Variants in TFCP2 observed in about 807,000 individuals in gnomAD.
The protein encoded by TFCP2 is alpha-globin transcription factor CP2.
TFCP2 carries 33 observed loss-of-function variants against 73.4 expected under a neutral mutation model. The observed-to-expected ratio is 0.45, with a 90% CI of 0.34 to 0.60. TFCP2 has a LOEUF of 0.60. Among genes scored for constraint, TFCP2 ranks in the 20% least tolerant of loss-of-function variants. The probability of loss-of-function intolerance (pLI) is 0.01; values close to 1 mark genes in which losing one functional copy is unlikely to be tolerated. For missense variants in TFCP2, 352 were observed against 604.0 expected (o/e 0.58, Z 4.37); for synonymous variants, 193 against 211.6 (o/e 0.91, Z 0.76).
intron 3 of TFCP2, among the ~76,000 whole-genome samples, chr12:51,117,419 G>T (rs1368857614): frequency 6.6e-6 from 1 of 152,104 alleles, no homozygotes; most frequent in Non-Finnish European, 1.5e-5. Context: ...ACTGAGCCAG[G>T]GGTGATTACC....
At chr12:51,141,977 G>A (rs1592823158) in intron 1 of TFCP2, among the ~76,000 whole-genome samples, 1 of 151,036 alleles carries the variant, frequency 6.6e-6, no homozygotes, top group East Asian at 1.9e-4. Context: ...GGCCGAGGCG[G>A]GTGGATCACG....
intron 4 of TFCP2, among the ~76,000 whole-genome samples, chr12:51,111,851 T>C (rs542650875): frequency 2.0e-4 from 29 of 142,262 alleles, no homozygotes; most frequent in African/African-American, 7.5e-4. Flanking sequence ...CAAGACTTCA[T>C]CTCAAAAAAA....
intron 11 of TFCP2, among the ~76,000 whole-genome samples, chr12:51,100,208 T>C (rs1380484547): frequency 6.6e-6 from 1 of 152,200 alleles, no homozygotes; most frequent in African/African-American, 2.4e-5. Context: ...ATAGTCAAAA[T>C]ATAAAAGCCA....
chr12:51,139,570 G>A (rs556762126), intron 1 of TFCP2, among the ~76,000 whole-genome samples: 1 of 152,018 alleles, frequency 6.6e-6, no homozygotes, highest in Admixed American at 6.6e-5. Flanking sequence ...TACAGACAGG[G>A]CCTCACTATG....
rs869123355 is a variant in TFCP2 at position 51,132,357 on chromosome 12, CTTTTTTTTTTTTT to C, written c.123-13598_123-13586del. On this transcript the variant is annotated intron_variant, in intron 1 of 14. Coordinates refer to ENST00000257915, the MANE Select transcript of TFCP2 (RefSeq NM_005653.5). ...TGCAAGTTCTGGTTTAGGGATTAGT[CTTTTTTTTTTTTT>C]TTTTTTTTTTTTTTTTTAGACAGAG... 1.1e-3 allele frequency among the ~76,000 whole-genome samples: 70 copies of C among 61,798 alleles called. 4 individuals are homozygous for C. Among genetic ancestry groups the C allele is most frequent in the Admixed American group, 3.3e-3 (12 of 3,676 alleles). 40.5% of individuals were successfully genotyped at this position (61,798 alleles called of 152,430 possible).
At chr12:51,161,476 C>T (rs1006636472) in intron 1 of TFCP2, among the ~76,000 whole-genome samples, 4 of 151,642 alleles carry the variant, frequency 2.6e-5, no homozygotes, top group African/African-American at 9.7e-5. Context: ...GTCAGGAGAT[C>T]GAGACCATCC....
chr12:51,154,215 C>T (rs1310520691), intron 1 of TFCP2, among the ~76,000 whole-genome samples: 1 of 152,166 alleles, frequency 6.6e-6, no homozygotes, highest in Admixed American at 6.5e-5. Flanking sequence ...TACATTAGGT[C>T]ATCCTTATCT....
In TFCP2 at chr12:51,146,055, CA is replaced by C. The variant is rs1204847379; in HGVS notation, c.122+26245del. On this transcript the variant is annotated intron_variant, in intron 1 of 14. Coordinates refer to ENST00000257915, the MANE Select transcript of TFCP2 (RefSeq NM_005653.5). ...ATATACTGACTACATACAAAACTGA[CA>C]AAAGATAAGTATCTAAAATATTTTT... is the stretch of plus-strand genomic sequence containing the variant. Among the ~76,000 whole-genome samples the C allele has an allele frequency of 2.0e-5, 3 of 152,132 alleles. No individual in the cohort carries two copies. The East Asian group carries it at 5.8e-4, about 29-fold the overall frequency.
intron 3 of TFCP2, among the ~76,000 whole-genome samples, chr12:51,117,216 C>G (rs1407380325): frequency 6.6e-6 from 1 of 152,190 alleles, no homozygotes; most frequent in African/African-American, 2.4e-5. Context: ...CCTCCCACCA[C>G]CTTTTGACAA....
chr12:51,162,181 C>T (rs1941663779), intron 1 of TFCP2, among the ~76,000 whole-genome samples: 1 of 152,050 alleles, frequency 6.6e-6, no homozygotes, highest in African/African-American at 2.4e-5. Context: ...CACAGTGGCT[C>T]ACACCTGTAA....
At chr12:51,108,088 C>A (rs984939910) in intron 6 of TFCP2, among the ~76,000 whole-genome samples, 1 of 151,338 alleles carries the variant, frequency 6.6e-6, no homozygotes. Flanking sequence ...AGTTCGAGAC[C>A]AGCCTGGCCA....
intron 1 of TFCP2, among the ~76,000 whole-genome samples, chr12:51,133,218 A>G (rs943974369): frequency 1.3e-5 from 2 of 152,208 alleles, no homozygotes; most frequent in African/African-American, 4.8e-5. Context: ...TCAGATTACA[A>G]TATAACTCAT....
chr12:51,127,252 C>CA (rs1000377550), intron 1 of TFCP2, among the ~76,000 whole-genome samples: 3 of 152,124 alleles, frequency 2.0e-5, no homozygotes, highest in African/African-American at 7.2e-5. Context: ...AGGCTTCAAC[C>CA]AGACCTAAGG....
intron 1 of TFCP2, among the ~76,000 whole-genome samples, chr12:51,170,766 G>A (rs1045198449): frequency 2.0e-5 from 3 of 151,188 alleles, no homozygotes; most frequent in Admixed American, 6.6e-5. Flanking sequence ...TGCAACCTCC[G>A]CCTCCCGGTT....
At chr12:51,122,549 A>G (rs1474982879) in intron 1 of TFCP2, among the ~76,000 whole-genome samples, 1 of 151,936 alleles carries the variant, frequency 6.6e-6, no homozygotes, top group Admixed American at 6.6e-5. Context: ...GTGAGCCACC[A>G]CACCCAGCCT....
At chr12:51,113,137 G>A (rs897628883) in intron 4 of TFCP2, among the ~76,000 whole-genome samples, 1 of 152,100 alleles carries the variant, frequency 6.6e-6, no homozygotes, top group Non-Finnish European at 1.5e-5. Context: ...TCAAACAATA[G>A]AGCATCAAGT....
At chr12:51,122,496 T>C (rs556751286) in intron 1 of TFCP2, among the ~76,000 whole-genome samples, 5 of 152,074 alleles carry the variant, frequency 3.3e-5, no homozygotes, top group South Asian at 4.1e-4. Flanking sequence ...TGACCTCAGG[T>C]AATCTGCCCA....
chr12:51,155,996 T>C (rs900144446), intron 1 of TFCP2, among the ~76,000 whole-genome samples: 1 of 150,576 alleles, frequency 6.6e-6, no homozygotes, highest in Admixed American at 6.8e-5. Flanking sequence ...GAGCCAAGAT[T>C]GCACCACTGC....
chr12:51,100,903 T>A (rs1940095490), intron 11 of TFCP2, among the ~76,000 whole-genome samples: 2 of 152,212 alleles, frequency 1.3e-5, no homozygotes, highest in South Asian at 4.1e-4. Context: ...TCTGTTGCCA[T>A]TGACCTAAAT....
Sources: allele counts gnomAD v4.1 joint callset (sites outside exome capture counted in the v4.1 genomes callset), GRCh38; gene constraint gnomAD v4.1.1; transcripts MANE v1.5; gene names NCBI Gene and HGNC (gene_info 2026-07-23, HGNC 2026-07-21).